LRFN4: variants seen among roughly 807,000 people sequenced by gnomAD.
The protein encoded by LRFN4 is leucine rich repeat and fibronectin type III domain containing 4.
A neutral mutation model predicts 29.0 loss-of-function variants in LRFN4; 10 were observed. The ratio of observed to expected loss-of-function variants is 0.35; its 90% CI spans 0.21 to 0.59. The LOEUF (loss-of-function observed/expected upper bound fraction) is 0.59, where lower values mean the gene tolerates loss of function less well. Ranked by LOEUF, LRFN4 falls within the 20% of genes least tolerant of loss-of-function variation. The pLI is 0.82. For missense variants in LRFN4, 850 were observed against 907.9 expected (o/e 0.94, Z 0.82); for synonymous variants, 493 against 437.0 (o/e 1.13, Z -1.60).
At position 66,858,622 on chromosome 11, in the gene LRFN4, TG is replaced by T; in HGVS notation, c.880del (p.Glu294LysfsTer43). On this transcript the variant is annotated frameshift_variant, in exon 1 of 2. Transcript: ENST00000309602. LOFTEE classifies it high-confidence loss of function. This position sits in a 1 kb window ranked among gnomAD's most constrained non-coding sequence, Gnocchi z 5.9. ...IARHTQRLWV[L>X]EGQRATLRCR... The stretch of plus-strand genomic sequence containing the variant: ...CGCCACACGCAGCGCCTCTGGGTGC[TG>T]GAAGGCCAGCGGGCCACGCTGCGGT... 6.5e-7 allele frequency: 1 copy of T among 1,536,664 alleles called. No individual in the cohort carries two copies. The highest frequency in any genetic ancestry group is 8.7e-7 in the Non-Finnish European group (1 of 1,143,914).
In LRFN4 at chr11:66,859,981, G is replaced by A. The variant is rs1490370054; in HGVS notation, c.1694G>A (p.Ser565Asn). 1 of 1,600,964 alleles carries A rather than the reference G, an allele frequency of 6.2e-7. No individual in the cohort carries two copies. Among genetic ancestry groups the A allele is most frequent in the East Asian group, 2.2e-5 (1 of 44,526 alleles). Residue 565 changes from serine (S) to asparagine (N), a missense_variant, in exon 2 of 2, where the codon AGC becomes AAC. By Grantham distance (46) the Ser-to-Asn change is conservative. Transcript: ENST00000309602. ...CAGTCCCAGACCAATGGAGGCCCCA[G>A]CCCCACACCCAAGGCCCACCCGCCG... ...HVQSQTNGGP[S>N]PTPKAHPPRS...
In LRFN4 at chr11:66,858,401, T is replaced by C. The variant is rs779730278; in HGVS notation, c.657T>C (p.Asp219=). The C allele has an allele frequency of 6.4e-7, 1 of 1,560,238 alleles. No individual in the cohort carries two copies. Among genetic ancestry groups the C allele is most frequent in the South Asian group, 1.2e-5 (1 of 86,552 alleles). ...APDPLFSRGR[D]AEASPAPLVL... ...ACCCGCTTTTCTCTCGTGGGCGTGATGCAGAGGCCTCTCCCGCCCCCCTGG... is the reference window on the plus strand; with the variant it reads ...ACCCGCTTTTCTCTCGTGGGCGTGACGCAGAGGCCTCTCCCGCCCCCCTGG... The change falls in exon 1 of 2, where the codon GAT becomes GAC. Residue 219 remains aspartate (D), a synonymous_variant. Transcript: ENST00000309602. The surrounding 1 kb of genome is among the most constrained non-coding windows in gnomAD (Gnocchi z 5.9).
chr11:66,859,604 C>G, intron 1 of LRFN4, 33 bp from the exon 2 acceptor site: 1 of 1,611,536 alleles, frequency 6.2e-7, no homozygotes, highest in Non-Finnish European at 8.5e-7. Context: ...TAGACCCCAG[C>G]CCCGGGCTCT....
At position 66,860,007 on chromosome 11, in the gene LRFN4, C is replaced by T. The variant is rs538462029; in HGVS notation, c.1720C>T (p.Arg574Trp). Residue 574 changes from arginine (R) to tryptophan (W), a missense_variant, in exon 2 of 2, where the codon CGG becomes TGG. This residue lies in a region of LRFN4 where 744 missense variants were observed against 753.8 expected (regional missense o/e 0.99). Transcript: ENST00000309602. ...CCCCACACCCAAGGCCCACCCGCCG[C>T]GGAGCCCCCCGCCCCGGCCGCAGCG... ...PSPTPKAHPP[R>W]SPPPRPQRSC... The T allele has an allele frequency of 2.2e-5, 35 of 1,591,614 alleles. 1 individual carries two copies. Among genetic ancestry groups the T allele is most frequent in the South Asian group, 1.6e-4 (14 of 88,940 alleles).
Position 66,858,640 on chromosome 11 carries a change from C to T in LRFN4, c.896C>T (p.Thr299Met), listed in dbSNP as rs766244836. The T allele has an allele frequency of 6.5e-6, 10 of 1,538,778 alleles. No individual in the cohort carries two copies. The highest frequency in any genetic ancestry group is 2.4e-5 in the East Asian group (1 of 40,832). ...RLWVLEGQRA[T>M]LRCRALGDPA... ...TGGGTGCTGGAAGGCCAGCGGGCCACGCTGCGGTGCCGGGCCCTGGGTGAC... is the reference window on the plus strand; with the variant it reads ...TGGGTGCTGGAAGGCCAGCGGGCCATGCTGCGGTGCCGGGCCCTGGGTGAC... The change falls in exon 1 of 2, where the codon ACG becomes ATG. Residue 299 changes from threonine to methionine, a missense_variant. Thr to Met is a moderately conservative substitution (Grantham distance 81). Around this residue, in one of 2 missense-constraint regions of LRFN4, gnomAD observed 744 missense variants for 753.8 expected, o/e 0.99. Transcript: ENST00000309602. The surrounding 1 kb of genome is among the most constrained non-coding windows in gnomAD (Gnocchi z 5.9).
At position 66,859,790 on chromosome 11, in the gene LRFN4, G is replaced by C; in HGVS notation, c.1503G>C (p.Pro501=). 6.3e-7 allele frequency: 1 copy of C among 1,598,640 alleles called. No homozygotes were observed. Among genetic ancestry groups the C allele is most frequent in the Non-Finnish European group, 8.5e-7 (1 of 1,172,628 alleles). Residue 501 remains proline (P), a synonymous_variant, in exon 2 of 2, where the codon CCG becomes CCC. Coordinates refer to ENST00000309602, the MANE Select transcript of LRFN4 (RefSeq NM_024036.5). ...GCTGTGCCCATTTCTCCACGCTGCC[G>C]GCCTCGCCCCTGTGCCACGCCCTGC... ...LLGCAHFSTL[P]ASPLCHALQA... is the part of the protein sequence containing the mutation.
rs1272755186 is a variant in LRFN4 at position 66,858,532 on chromosome 11, T to C, written c.788T>C (p.Leu263Pro). 6.5e-7 allele frequency: 1 copy of C among 1,533,708 alleles called. No individual in the cohort carries two copies. The highest frequency in any genetic ancestry group is 1.2e-5 in the South Asian group (1 of 83,924). The change falls in exon 1 of 2, where the codon CTG (leucine) becomes CCG (proline). Residue 263 changes from leucine (L) to proline (P), a missense_variant. By Grantham distance (98) the Leu-to-Pro change is moderately conservative. This residue lies in a region of LRFN4 where 744 missense variants were observed against 753.8 expected (regional missense o/e 0.99). Coordinates refer to ENST00000309602, the MANE Select transcript of LRFN4 (RefSeq NM_024036.5). The surrounding 1 kb of genome is among the most constrained non-coding windows in gnomAD (Gnocchi z 5.9). ...GAAACGTGCGCCTCCCCGCCCGGCCTGGCCGGCCGCTACTTCTGGGCAGTG... is the reference window on the plus strand; with the variant it reads ...GAAACGTGCGCCTCCCCGCCCGGCCCGGCCGGCCGCTACTTCTGGGCAGTG... The part of the protein sequence containing the change: ...DLETCASPPG[L>P]AGRYFWAVPE...
chr11:66,859,301 C>T (rs1591153653), intron 1 of LRFN4, among the ~76,000 whole-genome samples: 1 of 152,194 alleles, frequency 6.6e-6, no homozygotes, highest in African/African-American at 2.4e-5. Context: ...AAGGACCCCA[C>T]CCCGAGATGT....
Position 66,860,302 on chromosome 11 carries a change from C to T in LRFN4, c.*107C>T, listed in dbSNP as rs746595115. 1.0e-5 allele frequency: 15 copies of T among 1,442,852 alleles called. No homozygotes were observed. The highest frequency in any genetic ancestry group is 1.2e-5 in the Non-Finnish European group (13 of 1,061,648). The allele number at this position is 1,442,852 out of a possible 1,614,324, so 89.4% of individuals were successfully genotyped here. A position where few individuals can be genotyped will look rare whatever the true frequency, so the allele number is the denominator to read the frequency against. On this transcript the variant is annotated 3_prime_UTR_variant, in exon 2 of 2. Transcript: ENST00000309602. The stretch of plus-strand genomic sequence containing the variant: ...CCTCCCTGGTTTTTATTCTCAGTAC[C>T]TCAGGCTCCCCTGTGTACTTGGAGG...
Position 66,858,858 on chromosome 11 carries a change from C to G in LRFN4, c.1114C>G (p.Pro372Ala). The change falls in exon 1 of 2, where the codon CCC (proline) becomes GCC (alanine). Residue 372 changes from proline (P) to alanine (A), a missense_variant. Pro to Ala is a conservative substitution (Grantham distance 27, BLOSUM62 -1). Coordinates refer to ENST00000309602, the MANE Select transcript of LRFN4 (RefSeq NM_024036.5). This position sits in a 1 kb window ranked among gnomAD's most constrained non-coding sequence, Gnocchi z 5.9. ...AGTAGAACTGCGGGTGCTGGCCTTG[C>G]CCCATGGTGGGAACAGCAGTGCCGA... ...ARVELRVLAL[P>A]HGGNSSAEGG... The G allele has an allele frequency of 1.3e-6, 2 of 1,554,558 alleles. No homozygotes were observed. The highest frequency in any genetic ancestry group is 1.7e-6 in the Non-Finnish European group (2 of 1,150,254).
chr11:66,858,950 G>A lies in LRFN4; in HGVS notation c.1206G>A (p.Thr402=), dbSNP rs199906653. 3.4e-5 allele frequency: 53 copies of A among 1,577,516 alleles called. No individual in the cohort carries two copies. Among genetic ancestry groups the A allele is most frequent in the Middle Eastern group, 3.4e-4 (2 of 5,884 alleles). The change falls in exon 1 of 2, where the codon ACG becomes ACA. Residue 402 remains threonine (T), a synonymous_variant. Coordinates refer to ENST00000309602, the MANE Select transcript of LRFN4 (RefSeq NM_024036.5). This position sits in a 1 kb window ranked among gnomAD's most constrained non-coding sequence, Gnocchi z 5.9. ...SARTAAEGEG[T]LESEPAVQVT... The stretch of plus-strand genomic sequence containing the variant: ...GCACTGCTGCCGAGGGTGAGGGGAC[G>A]CTGGAGTCTGAGCCAGCCGTGCAGG...
In LRFN4 at chr11:66,860,004, C is replaced by G; in HGVS notation, c.1717C>G (p.Pro573Ala). 6.3e-7 allele frequency: 1 copy of G among 1,592,558 alleles called. No individual in the cohort carries two copies. Among genetic ancestry groups the G allele is most frequent in the South Asian group, 1.1e-5 (1 of 89,084 alleles). Residue 573 changes from proline (P) to alanine (A), a missense_variant, in exon 2 of 2, where the codon CCG becomes GCG. Coordinates refer to ENST00000309602, the MANE Select transcript of LRFN4 (RefSeq NM_024036.5). ...GPSPTPKAHP[P>A]RSPPPRPQRS... ...CAGCCCCACACCCAAGGCCCACCCG[C>G]CGCGGAGCCCCCCGCCCCGGCCGCA...
In LRFN4 at chr11:66,857,655, T is replaced by C; in HGVS notation, c.-90T>C. ...CTCCCCGGGCCAGGCTCACAGAAGC[T>C]GGCTTCTGGGACTGTCCTGGGCCCA... On this transcript the variant is annotated 5_prime_UTR_variant, in exon 1 of 2. Coordinates refer to ENST00000309602, the MANE Select transcript of LRFN4 (RefSeq NM_024036.5). This position sits in a 1 kb window ranked among gnomAD's most constrained non-coding sequence, Gnocchi z 7.1. The C allele has an allele frequency of 7.2e-7, 1 of 1,384,608 alleles. No homozygotes were observed. Among genetic ancestry groups the C allele is most frequent in the Non-Finnish European group, 9.6e-7 (1 of 1,042,454 alleles). 85.8% of individuals were successfully genotyped at this position (1,384,608 alleles called of 1,614,324 possible).
chr11:66,859,494 A>G, intron 1 of LRFN4, 143 bp from the exon 2 acceptor site: 1 of 1,475,902 alleles, frequency 6.8e-7, no homozygotes, highest in Non-Finnish European at 9.0e-7. Flanking sequence ...CACACTCTCC[A>G]GCCTGTTCAC....
rs1173482148 is a variant in LRFN4 at position 66,857,634 on chromosome 11, C to G, written c.-111C>G. The G allele has an allele frequency of 7.9e-7, 1 of 1,272,070 alleles. No individual in the cohort carries two copies. Among genetic ancestry groups the G allele is most frequent in the Non-Finnish European group, 1.1e-6 (1 of 948,090 alleles). The allele number at this position is 1,272,070 out of a possible 1,614,324, so 78.8% of individuals were successfully genotyped here. On this transcript the variant is annotated 5_prime_UTR_variant, in exon 1 of 2. Transcript: ENST00000309602. The surrounding 1 kb of genome is among the most constrained non-coding windows in gnomAD (Gnocchi z 7.1). ...CTTGGGCCTCTGACCCAGCCCCTCCCCGGGCCAGGCTCACAGAAGCTGGCT... is the reference window on the plus strand; with the variant it reads ...CTTGGGCCTCTGACCCAGCCCCTCCGCGGGCCAGGCTCACAGAAGCTGGCT...
In LRFN4 at chr11:66,860,229, G is replaced by C; in HGVS notation, c.*34G>C. 1 of 1,539,568 alleles carries C rather than the reference G, an allele frequency of 6.5e-7. No individual in the cohort carries two copies. The highest frequency in any genetic ancestry group is 2.0e-5 in the Admixed American group (1 of 51,028). On this transcript the variant is annotated 3_prime_UTR_variant, in exon 2 of 2. Transcript: ENST00000309602. ...CAGCTTCCTGTGTGCTCCAAGGGAT[G>C]AGCCTCGTGGGGCAGAGGGCCCGGG...
At position 66,858,333 on chromosome 11, in the gene LRFN4, C is replaced by T. The variant is rs1946001661; in HGVS notation, c.589C>T (p.Arg197Cys). 8 of 1,606,010 alleles carry T rather than the reference C, an allele frequency of 5.0e-6. No individual in the cohort carries two copies. The highest frequency in any genetic ancestry group is 4.4e-5 in the South Asian group (4 of 90,748). The change falls in exon 1 of 2, where the codon CGC becomes TGC. Residue 197 changes from arginine to cysteine, a missense_variant. Coordinates refer to ENST00000309602, the MANE Select transcript of LRFN4 (RefSeq NM_024036.5). The surrounding 1 kb of genome is among the most constrained non-coding windows in gnomAD (Gnocchi z 5.9). The stretch of plus-strand genomic sequence containing the variant: ...CTTCGCCCAGCTCGGTCAGCTCTCC[C>T]GCCTGGACCTCACCTCCAACCGCCT... ...GAFAQLGQLS[R>C]LDLTSNRLAT...
chr11:66,857,891 C>T lies in LRFN4; in HGVS notation c.147C>T (p.Arg49=). The T allele has an allele frequency of 1.9e-6, 3 of 1,611,720 alleles. No homozygotes were observed. The highest frequency in any genetic ancestry group is 2.5e-6 in the Non-Finnish European group (3 of 1,179,882). ...LLFVPPNVDR[R]TVELRLADNF... is the part of the protein sequence containing the mutation. ...TTGTGCCGCCCAACGTGGACCGGCG[C>T]ACAGTGGAGCTGCGGCTGGCTGACA... is the stretch of plus-strand genomic sequence containing the variant. Residue 49 remains arginine (R), a synonymous_variant, in exon 1 of 2, where the codon CGC becomes CGT. Transcript: ENST00000309602. This position sits in a 1 kb window ranked among gnomAD's most constrained non-coding sequence, Gnocchi z 7.1.
chr11:66,857,431 A>C lies in LRFN4; in HGVS notation c.-314A>C. On this transcript the variant is annotated 5_prime_UTR_variant, in exon 1 of 2. Coordinates refer to ENST00000309602, the MANE Select transcript of LRFN4 (RefSeq NM_024036.5). This position sits in a 1 kb window ranked among gnomAD's most constrained non-coding sequence, Gnocchi z 7.1. ...GGGAGGCGGCTGGCGATTCCTGGGG[A>C]CGCCTGGGAAAGGAAGTTCCGGGAC... 3.1e-6 allele frequency: 1 copy of C among 319,320 alleles called. No homozygotes were observed. Among genetic ancestry groups the C allele is most frequent in the Admixed American group, 4.7e-5 (1 of 21,190 alleles). The allele number at this position is 319,320 out of a possible 1,614,324, so 19.8% of individuals were successfully genotyped here.
Sources: gnomAD v4.1 joint callset for allele counts (sites outside exome capture counted in the v4.1 genomes callset) on GRCh38, gnomAD v4.1.1 for gene constraint, gnomAD v4.1.1 regional missense constraint, Gnocchi (gnomAD v3.1) non-coding constraint, MANE v1.5 for transcripts, NCBI Gene and HGNC (gene_info 2026-07-23, HGNC 2026-07-21) for gene names.